Variants in GRIK3 observed in about 807,000 individuals in gnomAD.
The protein encoded by GRIK3 is glutamate ionotropic receptor kainate type subunit 3, also known as glutamate receptor ionotropic, kainate 3.
GRIK3 carries 29 observed loss-of-function variants against 102.5 expected under a neutral mutation model. That is an observed-to-expected ratio of 0.28 (90% CI 0.21 to 0.39). The LOEUF (loss-of-function observed/expected upper bound fraction) is 0.39. GRIK3 is among the 10% of genes least tolerant of loss of function. The pLI, the probability that GRIK3 is intolerant of heterozygous loss-of-function variation, is 1.00. For synonymous variants in GRIK3, 511 were observed against 504.9 expected (o/e 1.01, Z -0.16); for missense variants, 908 against 1,252.4 (o/e 0.73, Z 4.15).
chr1:36,946,915 C>A (rs530203340), intron 1 of GRIK3, among the ~76,000 whole-genome samples: 1 of 152,146 alleles, frequency 6.6e-6, no homozygotes, highest in Non-Finnish European at 1.5e-5. Context: ...ATACCCTCTA[C>A]GGATCACTGG....
At position 36,841,915 on chromosome 1, in the gene GRIK3, T is replaced by G. The variant is rs757082662; in HGVS notation, c.1351A>C (p.Lys451Gln). 2.5e-6 allele frequency: 4 copies of G among 1,614,044 alleles called. No individual in the cohort carries two copies. Among genetic ancestry groups the G allele is most frequent in the African/African-American group, 1.3e-5 (1 of 74,914 alleles). ...TTCCCGTATAGCGTCCTGTCTGATT[T>G]CCGAAACATGACGAAGGGCTCCTCC... ...VLEEPFVMFR[K>Q]SDRTLYGNDR... The change falls in exon 10 of 16, where the codon AAA becomes CAA. Residue 451 changes from lysine to glutamine, a missense_variant. Around this residue, in one of 3 missense-constraint regions of GRIK3, gnomAD observed 585 missense variants for 824.9 expected, o/e 0.71. Transcript: ENST00000373091.
rs1640451419 is a variant in GRIK3 at position 36,841,631 on chromosome 1, C to G, written c.1530+105G>C. 1.4e-5 allele frequency: 13 copies of G among 951,894 alleles called. 1 individual carries two copies. The highest frequency in any genetic ancestry group is 2.2e-5 in the Non-Finnish European group (13 of 596,172). The allele number at this position is 951,894 out of a possible 1,614,324, so 59.0% of individuals were successfully genotyped here. A position where few individuals can be genotyped will look rare whatever the true frequency, so the allele number is the denominator to read the frequency against. On this transcript the variant is annotated intron_variant, in intron 10 of 15. Transcript: ENST00000373091. The stretch of plus-strand genomic sequence containing the variant: ...CAGCATTCATCTCCATCACTCCTGT[C>G]CCCAGGGCCTTTTTCTGCCAGGCTG...
intron 1 of GRIK3, among the ~76,000 whole-genome samples, chr1:36,947,855 C>T (rs775437450): frequency 6.6e-6 from 1 of 152,104 alleles, no homozygotes; most frequent in Admixed American, 6.6e-5. Flanking sequence ...AATGACACCC[C>T]ACCCCCTCCA....
Position 36,806,881 on chromosome 1 carries a change from T to C in GRIK3, c.2092-555A>G, listed in dbSNP as rs1345967452. ...AGCTGCCCTGCCTCACAGAAACCACTGTGAGGGTGGAGGGGGAGAGACAGC... is the reference window on the plus strand; with the variant it reads ...AGCTGCCCTGCCTCACAGAAACCACCGTGAGGGTGGAGGGGGAGAGACAGC... On this transcript the variant is annotated intron_variant, in intron 13 of 15. Coordinates refer to ENST00000373091, the MANE Select transcript of GRIK3 (RefSeq NM_000831.4). This position sits in a 1 kb window ranked among gnomAD's most constrained non-coding sequence, Gnocchi z 4.0. 6.6e-6 allele frequency among the ~76,000 whole-genome samples: 1 copy of C among 152,082 alleles called. No individual in the cohort carries two copies. The highest frequency in any genetic ancestry group is 2.4e-5 in the African/African-American group (1 of 41,422).
At chr1:36,837,441 G>A (rs490582) in intron 10 of GRIK3, among the ~76,000 whole-genome samples, 2 of 151,720 alleles carry the variant, frequency 1.3e-5, no homozygotes, top group Non-Finnish European at 2.9e-5. Flanking sequence ...CAACCAATCG[G>A]GAGCCTCATC....
intron 1 of GRIK3, among the ~76,000 whole-genome samples, chr1:37,032,604 A>G (rs549143646): frequency 1.3e-5 from 2 of 152,286 alleles, no homozygotes; most frequent in South Asian, 4.1e-4. Context: ...TGGGCTGCAA[A>G]GGGTTAAGCC....
chr1:36,925,115 G>A (rs1449292089), intron 1 of GRIK3, among the ~76,000 whole-genome samples: 1 of 152,154 alleles, frequency 6.6e-6, no homozygotes, highest in Non-Finnish European at 1.5e-5. Flanking sequence ...CACAGCTAGA[G>A]CTCTTACCAT....
Position 36,845,340 on chromosome 1 carries a change from G to C in GRIK3, c.1327-3401C>G, listed in dbSNP as rs563316054. Among the ~76,000 whole-genome samples, 12 of 152,268 alleles carry C rather than the reference G, an allele frequency of 7.9e-5. No homozygotes were observed. In the South Asian group the frequency reaches 2.3e-3, roughly 29 times the overall value. On this transcript the variant is annotated intron_variant, in intron 9 of 15. Coordinates refer to ENST00000373091, the MANE Select transcript of GRIK3 (RefSeq NM_000831.4). ...CTGGGAGAACAGCCATAGGAACAGG[G>C]GTAATATTTCTCTTCAACAAGTCAC...
Position 36,857,219 on chromosome 1 carries a change from C to T in GRIK3, c.1104+1889G>A, listed in dbSNP as rs563551722. On this transcript the variant is annotated intron_variant, in intron 7 of 15. Coordinates refer to ENST00000373091, the MANE Select transcript of GRIK3 (RefSeq NM_000831.4). ...GATTGAGCCAGAGGAGCAATAGGATCGAGGTGTGGCCTGGGACACCGACAC... is the reference window on the plus strand; with the variant it reads ...GATTGAGCCAGAGGAGCAATAGGATTGAGGTGTGGCCTGGGACACCGACAC... Among the ~76,000 whole-genome samples the T allele has an allele frequency of 1.7e-3, 261 of 152,230 alleles. 1 individual carries two copies. Among genetic ancestry groups the T allele is most frequent in the Middle Eastern group, 0.01 (3 of 294 alleles).
intron 9 of GRIK3, among the ~76,000 whole-genome samples, chr1:36,842,831 C>G (rs796655493): frequency 2.4e-4 from 37 of 152,226 alleles, no homozygotes. Flanking sequence ...GTGCAAGCAC[C>G]CCTAGCCGGC....
chr1:36,859,713 G>A, intron 6 of GRIK3, 131 bp downstream of exon 6: 1 of 738,542 alleles, frequency 1.4e-6, no homozygotes, highest in Non-Finnish European at 2.3e-6. Context: ...CCTAGCCTGG[G>A]GTCTGGCTGA....
intron 1 of GRIK3, among the ~76,000 whole-genome samples, chr1:36,950,789 G>A (rs1052658049): frequency 3.3e-5 from 5 of 152,244 alleles, no homozygotes; most frequent in Non-Finnish European, 7.3e-5. Context: ...GGCTTTGGAG[G>A]TTCATGATTT....
intron 1 of GRIK3, among the ~76,000 whole-genome samples, chr1:36,910,989 C>T (rs1444729199): frequency 6.6e-6 from 1 of 152,114 alleles, no homozygotes; most frequent in Non-Finnish European, 1.5e-5. Context: ...GGGCATCTTG[C>T]GGACGTCTTC....
intron 10 of GRIK3, among the ~76,000 whole-genome samples, chr1:36,837,805 G>A (rs1008894930): frequency 2.0e-5 from 3 of 152,234 alleles, no homozygotes; most frequent in Non-Finnish European, 4.4e-5. Context: ...CTGGTGCCAG[G>A]ACACAGAAGC....
At chr1:36,879,647 C>G (rs1640944292) in intron 3 of GRIK3, among the ~76,000 whole-genome samples, 1 of 152,152 alleles carries the variant, frequency 6.6e-6, no homozygotes, top group South Asian at 2.1e-4. Context: ...CACATTGGAG[C>G]AAGGGTTTTC....
chr1:37,010,130 C>T (rs113719562), intron 1 of GRIK3, among the ~76,000 whole-genome samples: 3 of 152,226 alleles, frequency 2.0e-5, no homozygotes, highest in African/African-American at 7.2e-5. Context: ...GAAAAAGATC[C>T]ACAGATGTGA....
At chr1:36,891,742 GAA>G (rs1282903541) in intron 1 of GRIK3, among the ~76,000 whole-genome samples, 3 of 152,108 alleles carry the variant, frequency 2.0e-5, no homozygotes, top group Admixed American at 6.5e-5. Flanking sequence ...AAATAAGAAA[GAA>G]AAATAATTTA....
chr1:36,978,961 G>T (rs1054413262), intron 1 of GRIK3, among the ~76,000 whole-genome samples: 4 of 152,222 alleles, frequency 2.6e-5, no homozygotes, highest in East Asian at 1.9e-4. Context: ...ATGAAGAACT[G>T]CAGACATTTA....
chr1:36,920,055 G>A (rs1251495909), intron 1 of GRIK3, among the ~76,000 whole-genome samples: 2 of 152,224 alleles, frequency 1.3e-5, no homozygotes, highest in Admixed American at 6.5e-5. Context: ...CAAGGACCAC[G>A]GCTGAGAAGA....
Sources: gnomAD v4.1 joint callset for allele counts (sites outside exome capture counted in the v4.1 genomes callset) on GRCh38, gnomAD v4.1.1 for gene constraint, gnomAD v4.1.1 regional missense constraint, Gnocchi (gnomAD v3.1) non-coding constraint, MANE v1.5 for transcripts, NCBI Gene and HGNC (gene_info 2026-07-23, HGNC 2026-07-21) for gene names.